ENOX1: variants seen among roughly 807,000 people sequenced by gnomAD.
ENOX1 encodes candidate growth-related and time keeping constitutive hydroquinone (NADH) oxidase.
In ENOX1, 42 loss-of-function variants were observed where a neutral mutation model predicts 82.5. The observed-to-expected ratio is 0.51, with a 90% CI of 0.40 to 0.66. ENOX1 has a LOEUF of 0.66. ENOX1 is among the 30% of genes least tolerant of loss of function. The pLI is 0.00. For missense variants in ENOX1, 608 were observed against 811.6 expected (o/e 0.75, Z 3.05); for synonymous variants, 271 against 282.2 (o/e 0.96, Z 0.40).
chr13:43,634,425 C>G (rs893421170), intron 2 of ENOX1, among the ~76,000 whole-genome samples: 12 of 152,170 alleles, frequency 7.9e-5, no homozygotes, highest in Admixed American at 2.6e-4. Flanking sequence ...GGATTTCATT[C>G]TTCTTCTCCA....
intron 2 of ENOX1, among the ~76,000 whole-genome samples, chr13:43,651,089 GGCT>G (rs1365742930): frequency 6.6e-6 from 1 of 152,184 alleles, no homozygotes; most frequent in Non-Finnish European, 1.5e-5. Context: ...ACAGTTAGAA[GGCT>G]GCTCCACCCA....
At chr13:43,697,870 CTAT>C (rs906931962) in intron 1 of ENOX1, among the ~76,000 whole-genome samples, 4 of 152,202 alleles carry the variant, frequency 2.6e-5, no homozygotes, top group Admixed American at 6.5e-5. Context: ...GATGAAGCTT[CTAT>C]TGTTCCTTCT....
At chr13:43,671,646 G>A (rs923193598) in intron 1 of ENOX1, among the ~76,000 whole-genome samples, 10 of 152,164 alleles carry the variant, frequency 6.6e-5, no homozygotes, top group East Asian at 3.9e-4. Flanking sequence ...TACGATTTCC[G>A]AGGCAAGCCA....
intron 1 of ENOX1, among the ~76,000 whole-genome samples, chr13:43,727,627 A>T (rs1291223636): frequency 6.6e-6 from 1 of 152,172 alleles, no homozygotes; most frequent in Non-Finnish European, 1.5e-5. Context: ...GAGGGAGCTT[A>T]TAAATTAGAT....
intron 1 of ENOX1, among the ~76,000 whole-genome samples, chr13:43,676,831 G>A (rs958902980): frequency 6.6e-6 from 1 of 152,010 alleles, no homozygotes; most frequent in Non-Finnish European, 1.5e-5. Flanking sequence ...ACTTGTCAGG[G>A]CTAAAATCAT....
At chr13:43,617,597 A>G (rs1167924942) in intron 2 of ENOX1, among the ~76,000 whole-genome samples, 1 of 152,292 alleles carries the variant, frequency 6.6e-6, no homozygotes, top group African/African-American at 2.4e-5. Flanking sequence ...GTTTATATAT[A>G]CCACGGTTTC....
At chr13:43,738,603 A>T (rs1299559193) in intron 1 of ENOX1, among the ~76,000 whole-genome samples, 5 of 152,174 alleles carry the variant, frequency 3.3e-5, no homozygotes, top group Non-Finnish European at 7.3e-5. Flanking sequence ...AAAGGTTTTG[A>T]AAAAATATAT....
At chr13:43,309,252 C>T (rs948191444) in intron 11 of ENOX1, among the ~76,000 whole-genome samples, 1 of 152,014 alleles carries the variant, frequency 6.6e-6, no homozygotes, top group Admixed American at 6.5e-5. Context: ...GAACTCTTGA[C>T]CTCAAATGAT....
chr13:43,443,807 A>G (rs751323120), intron 3 of ENOX1, among the ~76,000 whole-genome samples: 6 of 152,188 alleles, frequency 3.9e-5, no homozygotes, highest in Non-Finnish European at 5.9e-5. Flanking sequence ...GGCGAAGGAG[A>G]GGCATTCCAA....
At chr13:43,303,478 A>G (rs931536818) in intron 11 of ENOX1, among the ~76,000 whole-genome samples, 3 of 152,152 alleles carry the variant, frequency 2.0e-5, no homozygotes, top group Admixed American at 6.5e-5. Context: ...GTTGCTCCTG[A>G]GAGGTGACTG....
chr13:43,750,726 A>G (rs1026148416), intron 1 of ENOX1, among the ~76,000 whole-genome samples: 6 of 152,204 alleles, frequency 3.9e-5, no homozygotes, highest in African/African-American at 1.4e-4. Flanking sequence ...ATACATGTGT[A>G]TGCAGCTACA....
At chr13:43,238,263 C>G (rs992350712) in intron 14 of ENOX1, among the ~76,000 whole-genome samples, 4 of 152,122 alleles carry the variant, frequency 2.6e-5, no homozygotes, top group African/African-American at 9.7e-5. Context: ...ATCTTGGGAG[C>G]AAGCCTCAAT....
chr13:43,531,980 C>T (rs192256631), intron 2 of ENOX1, among the ~76,000 whole-genome samples: 1 of 150,964 alleles, frequency 6.6e-6, no homozygotes, highest in African/African-American at 2.4e-5. Context: ...TGCTAAATGA[C>T]GAGTTAATGG....
chr13:43,421,717 T>C (rs1288557592), intron 3 of ENOX1, among the ~76,000 whole-genome samples: 3 of 152,126 alleles, frequency 2.0e-5, no homozygotes, highest in Non-Finnish European at 4.4e-5. Context: ...AGTTAGTTTA[T>C]CTCTATCATG....
At chr13:43,616,329 A>G (rs2082478051) in intron 2 of ENOX1, among the ~76,000 whole-genome samples, 1 of 146,710 alleles carries the variant, frequency 6.8e-6, no homozygotes, top group African/African-American at 2.5e-5. Context: ...CAGCCTCCCA[A>G]GTAGCTGGGA....
At chr13:43,221,836 G>A (rs1388664272) in intron 16 of ENOX1, among the ~76,000 whole-genome samples, 5 of 152,120 alleles carry the variant, frequency 3.3e-5, no homozygotes, top group Non-Finnish European at 5.9e-5. Flanking sequence ...GGACTGGGTG[G>A]AGCCTGCTTT....
intron 1 of ENOX1, among the ~76,000 whole-genome samples, chr13:43,717,223 C>A (rs1033716270): frequency 2.0e-5 from 3 of 151,996 alleles, no homozygotes; most frequent in Non-Finnish European, 2.9e-5. Context: ...CATACAGAAC[C>A]CAGAAATAAA....
At chr13:43,762,810 C>G (rs542519393) in intron 1 of ENOX1, among the ~76,000 whole-genome samples, 1 of 152,080 alleles carries the variant, frequency 6.6e-6, no homozygotes, top group Non-Finnish European at 1.5e-5. Context: ...ACATATGAAG[C>G]CTCTGAAGCA....
At chr13:43,548,191 T>C (rs1013117729) in intron 2 of ENOX1, 1 of 152,220 alleles carries the variant, frequency 6.6e-6, no homozygotes, top group Non-Finnish European at 1.5e-5. Flanking sequence ...TCAGAAGGCA[T>C]AGTTATTTGG....
Sources: allele counts gnomAD v4.1 joint callset (sites outside exome capture counted in the v4.1 genomes callset), GRCh38; gene constraint gnomAD v4.1.1; transcripts MANE v1.5; gene names NCBI Gene and HGNC (gene_info 2026-07-23, HGNC 2026-07-21).